LAMA1: variants seen among roughly 807,000 people sequenced by gnomAD.
The protein encoded by LAMA1 is laminin subunit alpha-1.
Under a neutral mutation model 348.7 loss-of-function variants are expected in LAMA1, and 219 were observed. The observed-to-expected ratio is 0.63, with a 90% CI of 0.56 to 0.70. The LOEUF (loss-of-function observed/expected upper bound fraction) is 0.70, where lower values mean the gene tolerates loss of function less well. Ranked by LOEUF, LAMA1 falls within the 30% of genes least tolerant of loss-of-function variation. LAMA1 has a pLI of 0.00. For missense variants in LAMA1, 3,744 were observed against 3,888.0 expected (o/e 0.96, Z 0.99); for synonymous variants, 1,487 against 1,491.0 (o/e 1.00, Z 0.06).
chr18:6,951,409 G>A (rs867892765), intron 57 of LAMA1, among the ~76,000 whole-genome samples: 1 of 152,334 alleles, frequency 6.6e-6, no homozygotes. Context: ...ACCTGAGGCC[G>A]TGGGGGAACC....
In LAMA1 at chr18:6,975,183, T is replaced by G. The variant is rs563682350; in HGVS notation, c.6490-147A>C. ...AGCAAACCCCCCAAATCTATTTTCT[T>G]TTGTTTGAAATGGTCCCTTCCCTGG... On this transcript the variant is annotated intron_variant, in intron 45 of 62. Coordinates refer to ENST00000389658, the MANE Select transcript of LAMA1 (RefSeq NM_005559.4). 4 of 1,081,826 alleles carry G rather than the reference T, an allele frequency of 3.7e-6. No individual in the cohort carries two copies. In the South Asian group the frequency reaches 6.8e-5, roughly 18 times the overall value. The allele number at this position is 1,081,826 out of a possible 1,614,324, so 67.0% of individuals were successfully genotyped here.
chr18:6,991,045 C>T (rs557786379), intron 36 of LAMA1, among the ~76,000 whole-genome samples: 6 of 152,242 alleles, frequency 3.9e-5, no homozygotes, highest in African/African-American at 1.4e-4. Flanking sequence ...TGCTCACGCC[C>T]ATCTCCCAGG....
chr18:6,975,112 C>A (rs2057675992), intron 45 of LAMA1, 76 bp from the exon 46 acceptor site: 2 of 1,498,654 alleles, frequency 1.3e-6, no homozygotes, highest in African/African-American at 2.8e-5. Context: ...TTTACAGAGT[C>A]AATTCTTACG....
Position 7,080,012 on chromosome 18 carries a change from T to A in LAMA1, c.308A>T (p.Glu103Val). Reference protein sequence around the residue: ...WQSPSIQNGREYHWVTITLDL... With the variant: ...WQSPSIQNGRVYHWVTITLDL... ...CAGAGTGATTGTGACCCAGTGATAT[T>A]CTCTCCCATTCTGAATGCTGGGACT... The change falls in exon 3 of 63, where the codon GAA becomes GTA. Residue 103 changes from glutamate to valine, a missense_variant. This residue lies in a region of LAMA1 where 1,529 missense variants were observed against 1,689.4 expected (regional missense o/e 0.91). Coordinates refer to ENST00000389658, the MANE Select transcript of LAMA1 (RefSeq NM_005559.4). 6.2e-7 allele frequency: 1 copy of A among 1,614,100 alleles called. No individual in the cohort carries two copies. Among genetic ancestry groups the A allele is most frequent in the South Asian group, 1.1e-5 (1 of 91,072 alleles).
At chr18:7,103,369 C>A (rs539667374) in intron 1 of LAMA1, among the ~76,000 whole-genome samples, 1 of 151,920 alleles carries the variant, frequency 6.6e-6, no homozygotes, top group Non-Finnish European at 1.5e-5. Flanking sequence ...CGCTCCACTG[C>A]ACTCCAGCCT....
In LAMA1 at chr18:6,980,623, G is replaced by T; in HGVS notation, c.5905C>A (p.Leu1969Met). ...SRKLPGIALELSELRNKTNRF... is the reference protein window; with the variant it reads ...SRKLPGIALEMSELRNKTNRF... Reference sequence around the variant, plus strand: ...TTTGTCTTATTTCTCAATTCACTCAGTTCCAATGCAATACCTATTTAAAGG... The same window carrying T: ...TTTGTCTTATTTCTCAATTCACTCATTTCCAATGCAATACCTATTTAAAGG... Residue 1969 changes from leucine (L) to methionine (M), a missense_variant, in exon 42 of 63, where the codon CTG becomes ATG. Around this residue, in one of 3 missense-constraint regions of LAMA1, gnomAD observed 1,983 missense variants for 1,934.3 expected, o/e 1.03. Coordinates refer to ENST00000389658, the MANE Select transcript of LAMA1 (RefSeq NM_005559.4). 1 of 1,607,864 alleles carries T rather than the reference G, an allele frequency of 6.2e-7. No individual in the cohort carries two copies. Among genetic ancestry groups the T allele is most frequent in the South Asian group, 1.1e-5 (1 of 90,944 alleles).
At position 6,943,148 on chromosome 18, in the gene LAMA1, T is replaced by C. The variant is rs9954274; in HGVS notation, c.9067+32A>G. The C allele has an allele frequency of 1.3e-3, 2,010 of 1,585,168 alleles. 13 individuals are homozygous for C. The African/African-American group carries it at 0.02, about 16-fold the overall frequency. On this transcript the variant is annotated intron_variant, in intron 62 of 62. Coordinates refer to ENST00000389658, the MANE Select transcript of LAMA1 (RefSeq NM_005559.4). ...AGACTTCCTCCAGGGACAGTGCCCC[T>C]TTTGAGTGGAAGAGCAGGTACCCGT...
intron 29 of LAMA1, among the ~76,000 whole-genome samples, chr18:7,003,271 GAC>G (rs2057816287): frequency 6.8e-6 from 1 of 146,842 alleles, no homozygotes; most frequent in African/African-American, 2.5e-5. Context: ...TTTTTTTTGA[GAC>G]AGAGTCTCGC....
rs2057596392 is a variant in LAMA1, at chr18:6,959,363, T to C, written c.7756A>G (p.Ile2586Val). ...TACCTCCGATTCCTGACCAAGGAGA[T>C]GGAATGCGCTTGTCCATCACTGCAG... ...GTCSDGQAHSISLVRNRRIIT... is the reference protein window; with the variant it reads ...GTCSDGQAHSVSLVRNRRIIT... The change falls in exon 54 of 63, where the codon ATC becomes GTC. Residue 2586 changes from isoleucine to valine, a missense_variant. Coordinates refer to ENST00000389658, the MANE Select transcript of LAMA1 (RefSeq NM_005559.4). 6.2e-7 allele frequency: 1 copy of C among 1,614,112 alleles called. No homozygotes were observed. The highest frequency in any genetic ancestry group is 8.5e-7 in the Non-Finnish European group (1 of 1,180,032).
chr18:7,047,329 A>G (rs1232799221), intron 5 of LAMA1, among the ~76,000 whole-genome samples: 2 of 152,146 alleles, frequency 1.3e-5, no homozygotes, highest in Non-Finnish European at 2.9e-5. Flanking sequence ...AGCATGAGCC[A>G]CTGTGCCCGG....
intron 3 of LAMA1, among the ~76,000 whole-genome samples, chr18:7,078,557 T>G (rs2058180455): frequency 6.6e-6 from 1 of 152,362 alleles, no homozygotes; most frequent in Non-Finnish European, 1.5e-5. Context: ...AAGTGTTATT[T>G]TACTTTCATA....
intron 46 of LAMA1, among the ~76,000 whole-genome samples, chr18:6,974,508 G>C (rs1259703348): frequency 2.0e-5 from 3 of 147,636 alleles, no homozygotes; most frequent in African/African-American, 7.6e-5. Flanking sequence ...CCAGGCTGGA[G>C]TGCAGTGGTA....
chr18:7,073,662 T>C (rs1052613446), intron 3 of LAMA1, among the ~76,000 whole-genome samples: 1 of 152,222 alleles, frequency 6.6e-6, no homozygotes, highest in African/African-American at 2.4e-5. Flanking sequence ...CTGTTGATGG[T>C]TGATGGACAT....
At position 7,036,081 on chromosome 18, in the gene LAMA1, G is replaced by A. The variant is rs780440007; in HGVS notation, c.1745C>T (p.Ala582Val). Reference sequence around the variant, plus strand: ...CGTGTATTTCAGGAATCCGCCAAACGCAGTCAGCTGAAATGTTTAAGCGAG... The same window carrying A: ...CGTGTATTTCAGGAATCCGCCAAACACAGTCAGCTGAAATGTTTAAGCGAG... ...PEAYLGNKLTAFGGFLKYTVS... is the reference protein window; with the variant it reads ...PEAYLGNKLTVFGGFLKYTVS... Residue 582 changes from alanine to valine, a missense_variant, in exon 13 of 63, where the codon GCG (alanine) becomes GTG (valine). Physicochemically the swap from Ala to Val is moderately conservative, Grantham distance 64. Around this residue, in one of 3 missense-constraint regions of LAMA1, gnomAD observed 1,529 missense variants for 1,689.4 expected, o/e 0.91. Coordinates refer to ENST00000389658, the MANE Select transcript of LAMA1 (RefSeq NM_005559.4). 18 of 1,612,308 alleles carry A rather than the reference G, an allele frequency of 1.1e-5. No individual in the cohort carries two copies. Among genetic ancestry groups the A allele is most frequent in the African/African-American group, 5.3e-5 (4 of 74,876 alleles).
intron 33 of LAMA1, among the ~76,000 whole-genome samples, chr18:6,996,482 T>C (rs2057781817): frequency 6.6e-6 from 1 of 152,162 alleles, no homozygotes; most frequent in Non-Finnish European, 1.5e-5. Context: ...CCAATTAGAA[T>C]TAAAAGTAGG....
intron 41 of LAMA1, among the ~76,000 whole-genome samples, chr18:6,981,802 C>G (rs529215496): frequency 6.6e-6 from 1 of 152,276 alleles, no homozygotes; most frequent in East Asian, 1.9e-4. Context: ...CCACTATTTA[C>G]TCCTCCAGAA....
rs4798529 is a variant in LAMA1 at position 7,035,097 on chromosome 18, T to C, written c.1840-407A>G. 8.8e-3 allele frequency among the ~76,000 whole-genome samples: 1,345 copies of C among 152,286 alleles called. 13 individuals carry two copies. The highest frequency in any genetic ancestry group is 0.027 in the African/African-American group (1,133 of 41,544). Reference sequence around the variant, plus strand: ...GTGATTTACCGTGTGCGGTCTGCAATTGGTCAGGCTGGAGATGGAGGTGAA... The same window carrying C: ...GTGATTTACCGTGTGCGGTCTGCAACTGGTCAGGCTGGAGATGGAGGTGAA... On this transcript the variant is annotated intron_variant, in intron 13 of 62. Transcript: ENST00000389658.
intron 1 of LAMA1, among the ~76,000 whole-genome samples, chr18:7,083,698 T>C (rs762408432): frequency 2.0e-5 from 3 of 152,246 alleles, no homozygotes; most frequent in Non-Finnish European, 2.9e-5. Context: ...TCTTACATAT[T>C]ATATTTACTC....
chr18:6,958,780 A>AT, intron 54 of LAMA1, 118 bp from the exon 55 acceptor site: 1 of 857,236 alleles, frequency 1.2e-6, no homozygotes, highest in East Asian at 2.7e-5. Flanking sequence ...CTAAAGGTTC[A>AT]TTTTAACAAG....
Sources: allele counts gnomAD v4.1 joint callset (sites outside exome capture counted in the v4.1 genomes callset), GRCh38; gene constraint gnomAD v4.1.1; regional missense constraint gnomAD v4.1.1; transcripts MANE v1.5; gene names NCBI Gene and HGNC (gene_info 2026-07-23, HGNC 2026-07-21).